GABRB3: variants seen among roughly 807,000 people sequenced by gnomAD.
GABRB3 encodes gamma-aminobutyric acid type A receptor subunit beta3.
GABRB3 carries 14 observed loss-of-function variants against 52.1 expected under a neutral mutation model. The observed-to-expected ratio is 0.27, with a 90% confidence interval of 0.18 to 0.42. The LOEUF (loss-of-function observed/expected upper bound fraction) is 0.42, where lower values mean the gene tolerates loss of function less well. Ranked by LOEUF, GABRB3 falls within the 10% of genes least tolerant of loss-of-function variation. The probability of loss-of-function intolerance (pLI) is 1.00; values close to 1 mark genes in which losing one functional copy is unlikely to be tolerated. For synonymous variants in GABRB3, 260 were observed against 232.3 expected (o/e 1.12, Z -1.08); for missense variants, 307 against 609.1 (o/e 0.50, Z 5.22).
chr15:26,593,568 TA>T (rs1891283663), intron 4 of GABRB3, among the ~76,000 whole-genome samples: 1 of 152,152 alleles, frequency 6.6e-6, no homozygotes, highest in African/African-American at 2.4e-5. Context: ...ATAAATGAAA[TA>T]TTTGTCTTTT....
intron 3 of GABRB3, among the ~76,000 whole-genome samples, chr15:26,668,073 G>C (rs1887770202): frequency 6.6e-6 from 1 of 152,178 alleles, no homozygotes; most frequent in African/African-American, 2.4e-5. Flanking sequence ...GAGTCACCCA[G>C]ACAAGAGTCA....
intron 6 of GABRB3, 48 bp downstream of exon 6, chr15:26,580,271 C>A: frequency 6.2e-7 from 1 of 1,612,396 alleles, no homozygotes. Flanking sequence ...CAGTCACGCC[C>A]ATGGAGCCAG....
At position 26,621,641 on chromosome 15, in the gene GABRB3, C is replaced by A. The variant is rs1892488838; in HGVS notation, c.241-107G>T. 2.5e-6 allele frequency: 2 copies of A among 812,480 alleles called. No individual in the cohort carries two copies. The highest frequency in any genetic ancestry group is 4.6e-5 in the Admixed American group (2 of 43,648). 50.3% of individuals were successfully genotyped at this position (812,480 alleles called of 1,614,324 possible). A position where few individuals can be genotyped will look rare whatever the true frequency, so the allele number is the denominator to read the frequency against. On this transcript the variant is annotated intron_variant, in intron 3 of 8. Coordinates refer to ENST00000311550, the MANE Select transcript of GABRB3 (RefSeq NM_000814.6). The surrounding 1 kb of genome is among the most constrained non-coding windows in gnomAD (Gnocchi z 4.1). The stretch of plus-strand genomic sequence containing the variant: ...GCAATCTAGGCTCTACAGTGAATAA[C>A]CAGGAGAAACGGATGCCATTTTTAT...
rs1365796464 is a variant in GABRB3 at position 26,746,581 on chromosome 15, T to G, written c.240+25821A>C. Among the ~76,000 whole-genome samples the G allele has an allele frequency of 1.6e-3, 225 of 140,268 alleles. 1 individual carries two copies. The highest frequency in any genetic ancestry group is 5.7e-3 in the African/African-American group (219 of 38,350). The allele number at this position is 140,268 out of a possible 152,430, so 92.0% of individuals were successfully genotyped here. A position where few individuals can be genotyped will look rare whatever the true frequency, so the allele number is the denominator to read the frequency against. On this transcript the variant is annotated intron_variant, in intron 3 of 8. Coordinates refer to ENST00000311550, the MANE Select transcript of GABRB3 (RefSeq NM_000814.6). The stretch of plus-strand genomic sequence containing the variant: ...ACATTTTACATTTAAGTCCGTTTTT[T>G]GTTTTTTTTTTTTTTTGGAGTTTGT...
In GABRB3 at chr15:26,634,433, C is replaced by T. The variant is rs551172482; in HGVS notation, c.241-12899G>A. Among the ~76,000 whole-genome samples, 8 of 152,256 alleles carry T rather than the reference C, an allele frequency of 5.3e-5. No individual in the cohort carries two copies. The South Asian group carries it at 1.0e-3, about 20-fold the overall frequency. On this transcript the variant is annotated intron_variant, in intron 3 of 8. Coordinates refer to ENST00000311550, the MANE Select transcript of GABRB3 (RefSeq NM_000814.6). Reference sequence around the variant, plus strand: ...CAATCATTCAGCCACTATGTTCTGTCGATACTATTTCCTAAAAATCTTTCA... The same window carrying T: ...CAATCATTCAGCCACTATGTTCTGTTGATACTATTTCCTAAAAATCTTTCA...
intron 3 of GABRB3, among the ~76,000 whole-genome samples, chr15:26,747,171 T>G (rs1405147630): frequency 6.6e-6 from 1 of 152,224 alleles, no homozygotes; most frequent in Non-Finnish European, 1.5e-5. Flanking sequence ...AGTCTATAGC[T>G]TTTATGCAAT....
At chr15:26,591,310 A>G (rs949671170) in intron 4 of GABRB3, among the ~76,000 whole-genome samples, 4 of 152,236 alleles carry the variant, frequency 2.6e-5, no homozygotes, top group Admixed American at 1.3e-4. Flanking sequence ...TCTTATCGCT[A>G]CGTAGGGATC....
intron 6 of GABRB3, among the ~76,000 whole-genome samples, chr15:26,575,141 G>C (rs187692404): frequency 2.4e-4 from 36 of 152,294 alleles, no homozygotes; most frequent in African/African-American, 7.7e-4. Context: ...AATTCAAAAG[G>C]ATGAAGGTAG....
intron 3 of GABRB3, among the ~76,000 whole-genome samples, chr15:26,623,641 A>C (rs531773858): frequency 2.8e-4 from 42 of 152,024 alleles, no homozygotes; most frequent in African/African-American, 9.9e-4. Context: ...GACTCCAATC[A>C]CCTCTTTTAC....
rs560471663 is a variant in GABRB3, at chr15:26,652,948, G to GT, written c.241-31415dup. On this transcript the variant is annotated intron_variant, in intron 3 of 8. Transcript: ENST00000311550. ...ACACGAGTACACACCTTAGTGGATT[G>GT]TTTTGAGTACCAAGTAAAACTGAAA... Among the ~76,000 whole-genome samples, 168 of 152,260 alleles carry GT rather than the reference G, an allele frequency of 1.1e-3. 3 individuals carry two copies. The highest frequency in any genetic ancestry group is 3.8e-3 in the African/African-American group (159 of 41,560).
At chr15:26,765,142 A>AAAAG (rs66987797) in intron 3 of GABRB3, among the ~76,000 whole-genome samples, 7 of 151,630 alleles carry the variant, frequency 4.6e-5, no homozygotes, top group African/African-American at 1.7e-4. Context: ...AAAAAAAAAA[A>AAAAG]AAAGTCAAAA....
intron 3 of GABRB3, among the ~76,000 whole-genome samples, chr15:26,626,629 C>T (rs12324185): frequency 0.35 from 52,788 of 152,108 alleles, 10,046 homozygotes; most frequent in Middle Eastern, 0.49. Flanking sequence ...GAATATCAAA[C>T]CAGCCATAAC....
At chr15:26,710,971 A>C (rs1014260033) in intron 3 of GABRB3, among the ~76,000 whole-genome samples, 2 of 149,606 alleles carry the variant, frequency 1.3e-5, no homozygotes, top group African/African-American at 4.9e-5. Context: ...TGTTTTTGAC[A>C]TCTCCTTTAA....
rs149135696 is a variant in GABRB3 at position 26,569,028 on chromosome 15, C to T, written c.683-1295G>A. 2.6e-5 allele frequency among the ~76,000 whole-genome samples: 4 copies of T among 152,260 alleles called. No individual in the cohort carries two copies. In the East Asian group the frequency reaches 7.7e-4, roughly 29 times the overall value. On this transcript the variant is annotated intron_variant, in intron 6 of 8. Transcript: ENST00000311550. The stretch of plus-strand genomic sequence containing the variant: ...GGTGCCTTCTTTCTGAAGCTGCCCA[C>T]ACCCTAAACTCCAAGAGGCCTCACC...
intron 3 of GABRB3, among the ~76,000 whole-genome samples, chr15:26,739,032 T>C (rs1890135216): frequency 6.6e-6 from 1 of 152,130 alleles, no homozygotes; most frequent in Admixed American, 6.5e-5. Flanking sequence ...GATAGATAAA[T>C]TGCAAAGATA....
chr15:26,588,542 A>C (rs1464931591), intron 4 of GABRB3, among the ~76,000 whole-genome samples: 1 of 152,206 alleles, frequency 6.6e-6, no homozygotes, highest in Non-Finnish European at 1.5e-5. Flanking sequence ...ATGCTCTGCT[A>C]CATCTATATT....
At chr15:26,554,116 A>ATG (rs61531666) in intron 8 of GABRB3, among the ~76,000 whole-genome samples, 3,049 of 102,572 alleles carry the variant, frequency 0.03, 395 homozygotes, top group African/African-American at 0.12. Flanking sequence ...GTATATATAT[A>ATG]AAGTGTGTGT....
intron 4 of GABRB3, among the ~76,000 whole-genome samples, chr15:26,589,385 A>G (rs1322249081): frequency 6.6e-6 from 1 of 152,150 alleles, no homozygotes; most frequent in African/African-American, 2.4e-5. Context: ...AAGGCTGGAT[A>G]TGGTCAGAGT....
intron 3 of GABRB3, among the ~76,000 whole-genome samples, chr15:26,769,731 C>G (rs1421466681): frequency 6.6e-6 from 1 of 152,122 alleles, no homozygotes; most frequent in Non-Finnish European, 1.5e-5. Flanking sequence ...CATCAAATAC[C>G]TCCTTCCTCC....
Sources: gnomAD v4.1 joint callset for allele counts (sites outside exome capture counted in the v4.1 genomes callset) on GRCh38, gnomAD v4.1.1 for gene constraint, Gnocchi (gnomAD v3.1) non-coding constraint, MANE v1.5 for transcripts, NCBI Gene and HGNC (gene_info 2026-07-23, HGNC 2026-07-21) for gene names.